The following SERPINB12 variants were observed in gnomAD, a reference collection of about 807,000 sequenced individuals.
The protein encoded by SERPINB12 is serpin B12.
A neutral mutation model predicts 41.1 loss-of-function variants in SERPINB12; 57 were observed. The observed-to-expected ratio is 1.39, with a 90% CI of 1.12 to 1.73. SERPINB12 has a LOEUF of 1.73. Among genes scored for constraint, SERPINB12 ranks in the 40% most tolerant of loss-of-function variants. The probability of loss-of-function intolerance (pLI) is 0.00; values close to 1 mark genes in which losing one functional copy is unlikely to be tolerated. For missense variants in SERPINB12, 536 were observed against 501.9 expected, an observed-to-expected ratio of 1.07 and a Z score of -0.65; for synonymous variants, 180 against 181.3, an observed-to-expected ratio of 0.99 and a Z score of 0.06.
chr18:63,554,427 A>G (rs1332038802), intron 1 of SERPINB12, among the ~76,000 whole-genome samples: 1 of 152,204 alleles, frequency 6.6e-6, no homozygotes, highest in African/African-American at 2.4e-5. Context: ...GGCTAAGAAA[A>G]TCTATATTAA....
chr18:63,528,392 CAATAAATA>C, the SERPINB12 span, among the ~76,000 whole-genome samples: 16 of 144,978 alleles, frequency 1.1e-4, no homozygotes, highest in Middle Eastern at 3.4e-3. Context: ...TCTCTGAGAG[CAATAAATA>C]AATAAATAAA....
At position 63,567,369 on chromosome 18, in the gene SERPINB12, G is replaced by A. The variant is rs1221985738; in HGVS notation, c.*358G>A. 1.3e-5 allele frequency among the ~76,000 whole-genome samples: 2 copies of A among 152,124 alleles called. No homozygotes were observed. The highest frequency in any genetic ancestry group is 4.8e-5 in the African/African-American group (2 of 41,418). ...GCAAACTCAGAAGCCACTTTAACAT[G>A]GGCAGCAAGAGAACATGTTTGACTG... On this transcript the variant is annotated 3_prime_UTR_variant, in exon 8 of 8. Transcript: ENST00000382768.
rs116464973 is a variant in SERPINB12, at chr18:63,565,372, C to T, written c.706-73C>T. On this transcript the variant is annotated intron_variant, in intron 6 of 7. Coordinates refer to ENST00000382768, the MANE Select transcript of SERPINB12 (RefSeq NM_001307928.2). ...CTCATCTTTAGGAACCCCTGTCCTC[C>T]GTGAAGCTGGGGCCATATGAATTTG... The T allele has an allele frequency of 2.8e-3, 3,972 of 1,407,050 alleles. 98 individuals carry two copies. The African/African-American group carries it at 0.049, about 17-fold the overall frequency. The allele number at this position is 1,407,050 out of a possible 1,614,324, so 87.2% of individuals were successfully genotyped here.
At chr18:63,529,573 G>A in the SERPINB12 span, among the ~76,000 whole-genome samples, 1 of 152,154 alleles carries the variant, frequency 6.6e-6, no homozygotes, top group African/African-American at 2.4e-5. Flanking sequence ...GGATGTGCTA[G>A]GTTTGATGTG....
chr18:63,564,822 G>A (rs926931188), intron 6 of SERPINB12, among the ~76,000 whole-genome samples: 1 of 152,152 alleles, frequency 6.6e-6, no homozygotes, highest in African/African-American at 2.4e-5. Flanking sequence ...GGCAGGGCGT[G>A]TTTCTGCTGA....
the SERPINB12 span, among the ~76,000 whole-genome samples, chr18:63,532,244 T>C: frequency 6.6e-6 from 1 of 152,222 alleles, no homozygotes; most frequent in African/African-American, 2.4e-5. Flanking sequence ...TCCAGCCTTG[T>C]ACTTACAGTT....
At chr18:63,520,081 A>G in the SERPINB12 span, among the ~76,000 whole-genome samples, 19 of 152,304 alleles carry the variant, frequency 1.2e-4, no homozygotes, top group African/African-American at 4.6e-4. Context: ...AGTCCAAACC[A>G]GGGCCTTCAC....
In SERPINB12 at chr18:63,565,622, C is replaced by T. The variant is rs1329835300; in HGVS notation, c.873+10C>T. 2 of 1,603,646 alleles carry T rather than the reference C, an allele frequency of 1.2e-6. No individual in the cohort carries two copies. On this transcript the variant is annotated intron_variant, in intron 7 of 7. Transcript: ENST00000382768. Reference sequence around the variant, plus strand: ...GAAGGGTCTGGAAGAGGTAAATCTTCATTTCCACATCTCTACAAAATATTT... The same window carrying T: ...GAAGGGTCTGGAAGAGGTAAATCTTTATTTCCACATCTCTACAAAATATTT...
chr18:63,543,773 C>T (rs1206681291), intron 1 of SERPINB12, among the ~76,000 whole-genome samples: 1 of 151,872 alleles, frequency 6.6e-6, no homozygotes, highest in Non-Finnish European at 1.5e-5. Flanking sequence ...TGCGCCACGA[C>T]ACCAGGCTAA....
the SERPINB12 span, among the ~76,000 whole-genome samples, chr18:63,532,442 T>G: frequency 6.6e-6 from 1 of 152,182 alleles, no homozygotes; most frequent in Non-Finnish European, 1.5e-5. Flanking sequence ...CAGAGGTCAG[T>G]TTCTGGTTGG....
At chr18:63,529,499 A>G in the SERPINB12 span, among the ~76,000 whole-genome samples, 1 of 152,162 alleles carries the variant, frequency 6.6e-6, no homozygotes, top group Non-Finnish European at 1.5e-5. Flanking sequence ...AGGTGACTCC[A>G]TTTTGATTCT....
At chr18:63,533,705 T>C in the SERPINB12 span, among the ~76,000 whole-genome samples, 6,874 of 152,244 alleles carry the variant, frequency 0.045, 518 homozygotes, top group African/African-American at 0.16. Context: ...GTAACTCTGG[T>C]GTTTTCCCAC....
chr18:63,538,394 T>G (rs553573360), upstream of SERPINB12, among the ~76,000 whole-genome samples: 1 of 152,288 alleles, frequency 6.6e-6, no homozygotes, highest in Non-Finnish European at 1.5e-5. Context: ...ACTTTCTCTC[T>G]TTATGGATTT....
chr18:63,554,042 C>G (rs1049358015), intron 1 of SERPINB12, among the ~76,000 whole-genome samples: 1 of 145,798 alleles, frequency 6.9e-6, no homozygotes, highest in Admixed American at 6.6e-5. Flanking sequence ...AAGTACGTCT[C>G]AAACCCAGTT....
the SERPINB12 span, among the ~76,000 whole-genome samples, chr18:63,530,869 G>A: frequency 5.2e-3 from 791 of 152,272 alleles, 2 homozygotes; most frequent in African/African-American, 0.018. Flanking sequence ...CAAGGCGGCC[G>A]ACTTTGAACC....
At chr18:63,537,363 G>A in the SERPINB12 span, among the ~76,000 whole-genome samples, 1 of 152,160 alleles carries the variant, frequency 6.6e-6, no homozygotes, top group South Asian at 2.1e-4. Flanking sequence ...AGTACACCTT[G>A]TGCATTGGGT....
chr18:63,539,645 A>C (rs1910236843), upstream of SERPINB12, among the ~76,000 whole-genome samples: 1 of 151,996 alleles, frequency 6.6e-6, no homozygotes, highest in Non-Finnish European at 1.5e-5. Context: ...AAATCTTGTC[A>C]TTTTTTGTGG....
At chr18:63,560,837 G>A (rs562858108) in intron 4 of SERPINB12, among the ~76,000 whole-genome samples, 1 of 152,098 alleles carries the variant, frequency 6.6e-6, no homozygotes, top group Non-Finnish European at 1.5e-5. Flanking sequence ...AGTAGGAAAG[G>A]CTTGTCCCGT....
chr18:63,563,907 A>G, intron 5 of SERPINB12, 71 bp from the exon 6 acceptor site: 1 of 1,405,884 alleles, frequency 7.1e-7, no homozygotes, highest in Non-Finnish European at 9.5e-7. Flanking sequence ...AAAAAAAAAA[A>G]AAAAAAATTA....
Sources: gnomAD v4.1 joint callset for allele counts (sites outside exome capture counted in the v4.1 genomes callset) on GRCh38, gnomAD v4.1.1 for gene constraint, MANE v1.5 for transcripts, NCBI Gene and HGNC (gene_info 2026-07-23, HGNC 2026-07-21) for gene names.